The following GALNT16 variants were observed in gnomAD, a reference collection of about 807,000 sequenced individuals.
GALNT16 encodes UDP-GalNAc:polypeptide N-acetylgalactosaminyltransferase-like protein 1.
GALNT16 carries 40 observed loss-of-function variants against 76.1 expected under a neutral mutation model. The observed-to-expected ratio is 0.53, with a 90% CI of 0.41 to 0.68. The LOEUF is 0.68. GALNT16 is among the 30% of genes least tolerant of loss of function. The pLI is 0.00. For missense variants in GALNT16, 621 were observed against 731.9 expected (o/e 0.85, Z 1.75); for synonymous variants, 276 against 285.2 (o/e 0.97, Z 0.32).
chr14:69,304,323 A>G (rs572176003), intron 1 of GALNT16, among the ~76,000 whole-genome samples: 2 of 152,322 alleles, frequency 1.3e-5, no homozygotes, highest in South Asian at 2.1e-4. Flanking sequence ...AGGTTCTATT[A>G]TGGTTTAATT....
Position 69,283,274 on chromosome 14 carries a change from G to C in GALNT16, c.177+22807G>C, listed in dbSNP as rs150558808. The stretch of plus-strand genomic sequence containing the variant: ...TGTCAGTCACTTGGGTTCCTTGAGC[G>C]CATCAGGGAGTGCACCTAGTTTAGC... On this transcript the variant is annotated intron_variant, in intron 1 of 14. Coordinates refer to ENST00000448469, the MANE Select transcript of GALNT16 (RefSeq NM_001168368.2). Among the ~76,000 whole-genome samples, 257 of 152,312 alleles carry C rather than the reference G, an allele frequency of 1.7e-3. 1 individual carries two copies. Among genetic ancestry groups the C allele is most frequent in the African/African-American group, 5.8e-3 (243 of 41,556 alleles).
intron 1 of GALNT16, among the ~76,000 whole-genome samples, chr14:69,306,413 A>C (rs2140145615): frequency 6.6e-6 from 1 of 152,330 alleles, no homozygotes; most frequent in Admixed American, 6.5e-5. Flanking sequence ...TGTTAAATTT[A>C]TCTCTAAAAG....
At chr14:69,383,777 CT>C in the GALNT16 span, among the ~76,000 whole-genome samples, 7 of 152,104 alleles carry the variant, frequency 4.6e-5, no homozygotes, top group Admixed American at 1.3e-4. Flanking sequence ...AGCTTTCCCC[CT>C]ATGTTGCTTT....
chr14:69,274,875 A>T (rs545009272), intron 1 of GALNT16, among the ~76,000 whole-genome samples: 1 of 152,308 alleles, frequency 6.6e-6, no homozygotes, highest in East Asian at 1.9e-4. Context: ...TTTACACATC[A>T]GAACCTGACT....
At position 69,322,389 on chromosome 14, in the gene GALNT16, G is replaced by T. The variant is rs368784459; in HGVS notation, c.335+1521G>T. ...CCTAGTCCCAGGGTCTAGAGGATCT[G>T]TTGGCCCCAATCTGTGAATTGAGGG... On this transcript the variant is annotated intron_variant, in intron 2 of 14. Transcript: ENST00000448469. 6.6e-5 allele frequency among the ~76,000 whole-genome samples: 10 copies of T among 152,370 alleles called. No homozygotes were observed. The East Asian group carries it at 1.9e-3, about 29-fold the overall frequency.
intron 1 of GALNT16, among the ~76,000 whole-genome samples, chr14:69,310,994 C>A (rs529386347): frequency 6.6e-6 from 1 of 152,164 alleles, no homozygotes; most frequent in African/African-American, 2.4e-5. Flanking sequence ...TGATAAAATG[C>A]GGGCTACAGG....
At chr14:69,292,253 C>T (rs1056938231) in intron 1 of GALNT16, among the ~76,000 whole-genome samples, 8 of 152,224 alleles carry the variant, frequency 5.3e-5, no homozygotes, top group African/African-American at 1.9e-4. Context: ...GTGGCAGAGC[C>T]GGGACTCCCA....
chr14:69,336,759 CCTCT>C (rs1231437302), intron 9 of GALNT16, among the ~76,000 whole-genome samples: 18 of 151,144 alleles, frequency 1.2e-4, no homozygotes, highest in Non-Finnish European at 1.5e-5. Flanking sequence ...ACAGAGTCTC[CCTCT>C]GTCACCCAGG....
chr14:69,379,743 A>G, the GALNT16 span, among the ~76,000 whole-genome samples: 476 of 152,300 alleles, frequency 3.1e-3, 4 homozygotes, highest in African/African-American at 0.011. Flanking sequence ...GCTTCCCTAC[A>G]GTAGTGGGTA....
Position 69,333,268 on chromosome 14 carries a change from C to T in GALNT16, c.863+99C>T, listed in dbSNP as rs540381210. On this transcript the variant is annotated intron_variant, in intron 8 of 14. Transcript: ENST00000448469. This position sits in a 1 kb window ranked among gnomAD's most constrained non-coding sequence, Gnocchi z 4.2. ...GTATCGGTCGCTTGGGCTCCTGAGGCGCACTAAGTGCTGACTCTGTTCTGG... is the reference window on the plus strand; with the variant it reads ...GTATCGGTCGCTTGGGCTCCTGAGGTGCACTAAGTGCTGACTCTGTTCTGG... 4.8e-5 allele frequency: 39 copies of T among 812,326 alleles called. No individual in the cohort carries two copies. Among genetic ancestry groups the T allele is most frequent in the South Asian group, 2.0e-4 (12 of 59,822 alleles). The allele number at this position is 812,326 out of a possible 1,614,324, so 50.3% of individuals were successfully genotyped here.
intron 1 of GALNT16, among the ~76,000 whole-genome samples, chr14:69,285,797 A>T (rs896579289): frequency 6.6e-6 from 1 of 152,120 alleles, no homozygotes. Context: ...GCCATCTCTC[A>T]CACAGAGTTT....
chr14:69,368,688 G>T, the GALNT16 span, among the ~76,000 whole-genome samples: 1 of 152,178 alleles, frequency 6.6e-6, no homozygotes, highest in Non-Finnish European at 1.5e-5. Context: ...AGGAATCACT[G>T]GGGGCCACCT....
At position 69,284,551 on chromosome 14, in the gene GALNT16, T is replaced by C. The variant is rs574244693; in HGVS notation, c.177+24084T>C. ...CTGGACAGGACTCTGGGGCCTTCACTGAGCACCTGCTTCGGTACAGGAACC... is the reference window on the plus strand; with the variant it reads ...CTGGACAGGACTCTGGGGCCTTCACCGAGCACCTGCTTCGGTACAGGAACC... On this transcript the variant is annotated intron_variant, in intron 1 of 14. Transcript: ENST00000448469. Among the ~76,000 whole-genome samples the C allele has an allele frequency of 2.6e-5, 4 of 152,318 alleles. No homozygotes were observed. In the East Asian group the frequency reaches 5.8e-4, roughly 22 times the overall value.
intron 1 of GALNT16, among the ~76,000 whole-genome samples, chr14:69,295,850 A>G (rs2044753249): frequency 6.6e-6 from 1 of 152,174 alleles, no homozygotes; most frequent in African/African-American, 2.4e-5. Flanking sequence ...AAGACCAAGG[A>G]GTATAAGAAG....
chr14:69,377,977 ATAC>A, the GALNT16 span, among the ~76,000 whole-genome samples: 8 of 152,340 alleles, frequency 5.3e-5, no homozygotes, highest in East Asian at 1.5e-3. Context: ...GTTGACAATC[ATAC>A]TGAGAAAACT....
chr14:69,286,821 C>T (rs1024343892), intron 1 of GALNT16, among the ~76,000 whole-genome samples: 2 of 152,086 alleles, frequency 1.3e-5, no homozygotes, highest in Non-Finnish European at 2.9e-5. Context: ...GATGGGTGTT[C>T]ACTATACAAC....
chr14:69,345,703 AGTGTGTGTGTGT>A (rs55871607), intron 12 of GALNT16, among the ~76,000 whole-genome samples: 1 of 135,006 alleles, frequency 7.4e-6, no homozygotes, highest in African/African-American at 2.8e-5. Context: ...ATAAGGTGTC[AGTGTGTGTGTGT>A]GTGTGTGTGT....
intron 2 of GALNT16, among the ~76,000 whole-genome samples, chr14:69,322,981 T>TGTGCGTGC (rs1196943800): frequency 3.5e-5 from 1 of 28,324 alleles, no homozygotes; most frequent in South Asian, 1.5e-3. Flanking sequence ...TGTGTGTGTG[T>TGTGCGTGC]GCGCGCGCAC....
At chr14:69,294,323 T>C (rs552685632) in intron 1 of GALNT16, among the ~76,000 whole-genome samples, 11 of 152,286 alleles carry the variant, frequency 7.2e-5, no homozygotes, top group African/African-American at 2.4e-4. Flanking sequence ...GGTTTCACCA[T>C]GTTGGTCAGG....
Sources: gnomAD v4.1 joint callset for allele counts (sites outside exome capture counted in the v4.1 genomes callset) on GRCh38, gnomAD v4.1.1 for gene constraint, Gnocchi (gnomAD v3.1) non-coding constraint, MANE v1.5 for transcripts, NCBI Gene and HGNC (gene_info 2026-07-23, HGNC 2026-07-21) for gene names.